MAP7D2: variants seen among roughly 807,000 people sequenced by gnomAD.
The protein encoded by MAP7D2 is MAP7 domain containing 2.
Under a neutral mutation model 63.5 loss-of-function variants are expected in MAP7D2, and 33 were observed. That is an observed-to-expected ratio of 0.52 (90% CI 0.39 to 0.70). MAP7D2 has a LOEUF of 0.70. MAP7D2 is among the 30% of genes least tolerant of loss of function. MAP7D2 has a pLI of 0.00. For synonymous variants in MAP7D2, 224 were observed against 223.7 expected (o/e 1.00, Z -0.01); for missense variants, 626 against 604.0 (o/e 1.04, Z -0.38).
At chrX:20,039,398 T>C (rs2064586803) in intron 8 of MAP7D2, among the ~76,000 whole-genome samples, 1 of 112,180 alleles carries the variant, frequency 8.9e-6, no homozygotes, top group African/African-American at 3.2e-5. Flanking sequence ...CTTTATGTAA[T>C]AGCATTTGGG....
rs761477619 is a variant in MAP7D2, at chrX:20,027,294, G to A, written c.1008-1342C>T. 5.8e-4 allele frequency among the ~76,000 whole-genome samples: 65 copies of A among 112,557 alleles called. 1 individual carries two copies. The highest frequency in any genetic ancestry group is 2.0e-3 in the African/African-American group (63 of 31,015). On this transcript the variant is annotated intron_variant, in intron 8 of 16. Transcript: ENST00000379643. The stretch of plus-strand genomic sequence containing the variant: ...GGCCCCACACTCGGGTTCTCCTAAG[G>A]GATGTGGTTTTTCAGAGTGCTTAGC...
chrX:20,021,389 T>C (rs1264559937), intron 10 of MAP7D2: 1 of 112,521 alleles, frequency 8.9e-6, no homozygotes, highest in Non-Finnish European at 1.9e-5. Context: ...TTATTTTATC[T>C]GGCAACATTT....
At chrX:20,048,976 T>C (rs1211684011) in intron 6 of MAP7D2, among the ~76,000 whole-genome samples, 2 of 110,154 alleles carry the variant, frequency 1.8e-5, no homozygotes, top group Non-Finnish European at 3.8e-5. Flanking sequence ...TACGTATACA[T>C]ATACACATAC....
chrX:20,087,436 C>T (rs190273295), intron 1 of MAP7D2, among the ~76,000 whole-genome samples: 26 of 112,013 alleles, frequency 2.3e-4, no homozygotes, highest in African/African-American at 8.1e-4. Flanking sequence ...GCTAACTCCC[C>T]TTCCCCTTCC....
intron 1 of MAP7D2, among the ~76,000 whole-genome samples, chrX:20,085,095 C>T (rs1316095374): frequency 8.9e-6 from 1 of 111,839 alleles, no homozygotes; most frequent in African/African-American, 3.3e-5. Context: ...CAAACACACG[C>T]CATCTGCCTT....
intron 1 of MAP7D2, among the ~76,000 whole-genome samples, chrX:20,085,998 C>T (rs1255253824): frequency 1.8e-5 from 2 of 112,581 alleles, no homozygotes; most frequent in East Asian, 5.6e-4. Context: ...AGGTGTGAGC[C>T]ACCGTGCAGG....
intron 1 of MAP7D2, among the ~76,000 whole-genome samples, chrX:20,093,581 C>A (rs1277426174): frequency 9.0e-6 from 1 of 110,796 alleles, no homozygotes; most frequent in African/African-American, 3.3e-5. Flanking sequence ...CGCTTGAACC[C>A]GGGAGGCAGA....
intron 1 of MAP7D2, among the ~76,000 whole-genome samples, chrX:20,080,740 G>C (rs1055428922): frequency 9.0e-6 from 1 of 111,571 alleles, no homozygotes; most frequent in Admixed American, 9.6e-5. Flanking sequence ...TGGAGATCGC[G>C]CCCACTCACT....
At position 20,111,662 on chromosome X, in the gene MAP7D2, T is replaced by C. The variant is rs150557867; in HGVS notation, c.130+5088A>G. On this transcript the variant is annotated intron_variant, in intron 1 of 16. Coordinates refer to ENST00000379643, the MANE Select transcript of MAP7D2 (RefSeq NM_001168465.2). The stretch of plus-strand genomic sequence containing the variant: ...GTGGGGTGGTGAACATGTTCTAAAA[T>C]TGATTGTGGTGATGGCTGCACAACT... 2.6e-3 allele frequency among the ~76,000 whole-genome samples: 287 copies of C among 111,572 alleles called. 2 individuals are homozygous for C. Among genetic ancestry groups the C allele is most frequent in the African/African-American group, 8.8e-3 (271 of 30,699 alleles).
At chrX:20,011,890 G>A (rs189658644) in intron 15 of MAP7D2, among the ~76,000 whole-genome samples, 40 of 112,583 alleles carry the variant, frequency 3.6e-4, no homozygotes, top group Non-Finnish European at 6.2e-4. Flanking sequence ...AGAGTGGTGG[G>A]CTGAGGGCCT....
chrX:20,012,604 A>G, intron 14 of MAP7D2, 69 bp from the exon 15 acceptor site: 1 of 909,628 alleles, frequency 1.1e-6, no homozygotes, highest in Non-Finnish European at 1.5e-6. Flanking sequence ...AGAAATATAG[A>G]TCAAGGCAAT....
At chrX:20,082,858 G>A (rs1056027504) in intron 1 of MAP7D2, among the ~76,000 whole-genome samples, 2 of 111,603 alleles carry the variant, frequency 1.8e-5, no homozygotes, top group Non-Finnish European at 3.8e-5. Context: ...TCGAACTCCT[G>A]ACCTTGTGAT....
In MAP7D2 at chrX:20,016,296, G is replaced by A. The variant is rs749347515; in HGVS notation, c.1442C>T (p.Ala481Val). ...TTCTAGGCGAAGCCTTTCCTCCTCT[G>A]CCTTTCTTTTCAATTCCTCTCTCTC... ...RLEREELKRK[A>V]EEERLRLEEE... is the part of the protein sequence containing the mutation. The change falls in exon 11 of 17, where the codon GCA becomes GTA. Residue 481 changes from alanine to valine, a missense_variant. By Grantham distance (64) the Ala-to-Val change is moderately conservative. Coordinates refer to ENST00000379643, the MANE Select transcript of MAP7D2 (RefSeq NM_001168465.2). 9.1e-6 allele frequency: 11 copies of A among 1,208,279 alleles called. No homozygotes were observed. In the South Asian group the frequency reaches 1.1e-4, roughly 12 times the overall value.
intron 3 of MAP7D2, 97 bp from the exon 4 acceptor site, chrX:20,056,888 G>A (rs1212066263): frequency 1.3e-6 from 1 of 758,312 alleles, no homozygotes; most frequent in Non-Finnish European, 1.9e-6. Flanking sequence ...CACCAAATGG[G>A]GCTTTCTGTG....
intron 1 of MAP7D2, among the ~76,000 whole-genome samples, chrX:20,066,112 CG>C (rs1273061922): frequency 9.0e-5 from 10 of 110,632 alleles, no homozygotes; most frequent in Non-Finnish European, 1.5e-4. Context: ...TTAGTAGAGA[CG>C]GGGTTTCACC....
intron 1 of MAP7D2, among the ~76,000 whole-genome samples, chrX:20,113,286 G>A (rs752063746): frequency 3.6e-5 from 4 of 110,873 alleles, no homozygotes; most frequent in Admixed American, 9.6e-5. Context: ...TCACTCTGTC[G>A]CCCGGGGTGG....
chrX:20,082,395 CT>C (rs1446105174), intron 1 of MAP7D2, among the ~76,000 whole-genome samples: 1 of 111,421 alleles, frequency 9.0e-6, no homozygotes, highest in Non-Finnish European at 1.9e-5. Flanking sequence ...GAGTAAAACT[CT>C]TGGTATTACA....
intron 1 of MAP7D2, among the ~76,000 whole-genome samples, chrX:20,112,569 C>T (rs904780995): frequency 1.8e-5 from 2 of 111,046 alleles, no homozygotes; most frequent in Non-Finnish European, 3.8e-5. Flanking sequence ...TATTTAAATG[C>T]GGCCGACTCA....
chrX:20,033,238 T>C (rs921040068), intron 8 of MAP7D2, among the ~76,000 whole-genome samples: 2 of 112,515 alleles, frequency 1.8e-5, no homozygotes, highest in African/African-American at 6.5e-5. Flanking sequence ...AACTCAATTT[T>C]GGGGGCTTTG....
Sources: gnomAD v4.1 joint callset for allele counts (sites outside exome capture counted in the v4.1 genomes callset) on GRCh38, gnomAD v4.1.1 for gene constraint, MANE v1.5 for transcripts, NCBI Gene and HGNC (gene_info 2026-07-23, HGNC 2026-07-21) for gene names.